CNTNAP2: variants seen among roughly 807,000 people sequenced by gnomAD.
The protein encoded by CNTNAP2 is contactin associated protein 2.
CNTNAP2 carries 98 observed loss-of-function variants against 155.2 expected under a neutral mutation model. The observed-to-expected ratio is 0.63, with a 90% CI of 0.54 to 0.75. The LOEUF is 0.75. CNTNAP2 is among the 30% of genes least tolerant of loss of function. The pLI is 0.00. For synonymous variants in CNTNAP2, 651 were observed against 631.2 expected (o/e 1.03, Z -0.47); for missense variants, 1,727 against 1,688.1 (o/e 1.02, Z -0.40).
chr7:146,774,536 C>T (rs1369209775), intron 2 of CNTNAP2, among the ~76,000 whole-genome samples, 155 bp downstream of exon 2: 2 of 152,146 alleles, frequency 1.3e-5, no homozygotes, highest in Non-Finnish European at 2.9e-5. Flanking sequence ...TGCCATTAAC[C>T]TCTCATGTAA....
At chr7:147,016,867 T>G (rs1798733603) in intron 3 of CNTNAP2, among the ~76,000 whole-genome samples, 1 of 151,994 alleles carries the variant, frequency 6.6e-6, no homozygotes. Flanking sequence ...TAGGTCACTG[T>G]GCACAGAAAG....
In CNTNAP2 at chr7:146,441,769, G is replaced by A. The variant is rs144126390; in HGVS notation, c.97+324796G>A. ...CTGTGTCTCTCTTTTCTTCGCTCCT[G>A]GGTCTCCAGCTGGAGACAAGGACAC... On this transcript the variant is annotated intron_variant, in intron 1 of 23. Coordinates refer to ENST00000361727, the MANE Select transcript of CNTNAP2 (RefSeq NM_014141.6). 1.9e-3 allele frequency among the ~76,000 whole-genome samples: 288 copies of A among 151,414 alleles called. 14 individuals are homozygous for A. Among genetic ancestry groups the A allele is most frequent in the African/African-American group, 6.2e-3 (255 of 40,834 alleles).
chr7:148,201,367 A>G lies in CNTNAP2; in HGVS notation c.3011-15921A>G, dbSNP rs543865940. 8.5e-5 allele frequency among the ~76,000 whole-genome samples: 13 copies of G among 152,336 alleles called. No homozygotes were observed. The South Asian group carries it at 2.7e-3, about 32-fold the overall frequency. On this transcript the variant is annotated intron_variant, in intron 18 of 23. Coordinates refer to ENST00000361727, the MANE Select transcript of CNTNAP2 (RefSeq NM_014141.6). ...GAGAGTTCGCTTTAGCTTGCTCTTT[A>G]TGTTTGAACCTAAGTCTTTTCACCT...
intron 13 of CNTNAP2, among the ~76,000 whole-genome samples, chr7:147,891,780 T>G (rs1169367591): frequency 6.6e-6 from 1 of 152,156 alleles, no homozygotes; most frequent in Admixed American, 6.6e-5. Flanking sequence ...TCAGATAGTT[T>G]ACCAAATAAT....
rs1800167157 is a variant in CNTNAP2 at position 146,276,498 on chromosome 7, T to C, written c.97+159525T>C. On this transcript the variant is annotated intron_variant, in intron 1 of 23. Coordinates refer to ENST00000361727, the MANE Select transcript of CNTNAP2 (RefSeq NM_014141.6). Reference sequence around the variant, plus strand: ...TAATGTTTCAGTTTAAAAATACATATTAAACGTATAACATATACAAAGCAC... The same window carrying C: ...TAATGTTTCAGTTTAAAAATACATACTAAACGTATAACATATACAAAGCAC... 2.0e-5 allele frequency among the ~76,000 whole-genome samples: 3 copies of C among 152,164 alleles called. 1 individual carries two copies. The South Asian group carries it at 6.2e-4, about 31-fold the overall frequency.
chr7:147,178,313 C>T (rs1207273380), intron 8 of CNTNAP2, among the ~76,000 whole-genome samples: 1 of 152,132 alleles, frequency 6.6e-6, no homozygotes, highest in East Asian at 1.9e-4. Flanking sequence ...TCTGTTACTG[C>T]TGGTTTGAAG....
chr7:146,817,758 T>TAA (rs1375126194), intron 2 of CNTNAP2, among the ~76,000 whole-genome samples: 27 of 152,070 alleles, frequency 1.8e-4, no homozygotes, highest in Non-Finnish European at 5.9e-5. Flanking sequence ...AGGATGGTGC[T>TAA]AAACCATTAA....
chr7:147,289,983 T>A (rs1805265535), intron 8 of CNTNAP2, among the ~76,000 whole-genome samples: 1 of 152,174 alleles, frequency 6.6e-6, no homozygotes, highest in South Asian at 2.1e-4. Context: ...GAGGTAAAAA[T>A]TACATACAGT....
intron 13 of CNTNAP2, among the ~76,000 whole-genome samples, chr7:147,819,184 C>T (rs1320174724): frequency 2.0e-5 from 3 of 152,128 alleles, no homozygotes; most frequent in Non-Finnish European, 2.9e-5. Context: ...GCATAAACCT[C>T]GTTAGTGGTA....
intron 8 of CNTNAP2, among the ~76,000 whole-genome samples, chr7:147,140,852 T>C (rs1801577958): frequency 6.6e-6 from 1 of 152,130 alleles, no homozygotes; most frequent in African/African-American, 2.4e-5. Context: ...TTGGTAGTTA[T>C]CAGGCAACTT....
chr7:147,814,494 T>A (rs1016812769), intron 13 of CNTNAP2, among the ~76,000 whole-genome samples: 12 of 152,202 alleles, frequency 7.9e-5, no homozygotes, highest in African/African-American at 2.9e-4. Flanking sequence ...ATAATAGTCA[T>A]TCCTGATTAC....
At chr7:147,930,797 A>C (rs1278463090) in intron 14 of CNTNAP2, among the ~76,000 whole-genome samples, 1 of 152,232 alleles carries the variant, frequency 6.6e-6, no homozygotes, top group Non-Finnish European at 1.5e-5. Flanking sequence ...ATGTTACGTC[A>C]CAAAACAAGT....
chr7:148,056,932 T>G (rs1803024397), intron 15 of CNTNAP2, among the ~76,000 whole-genome samples: 2 of 152,338 alleles, frequency 1.3e-5, no homozygotes, highest in African/African-American at 4.8e-5. Flanking sequence ...AATCCTCATG[T>G]AAGCTTTGGA....
intron 14 of CNTNAP2, among the ~76,000 whole-genome samples, chr7:147,928,021 A>G (rs1314552910): frequency 1.3e-5 from 2 of 152,224 alleles, no homozygotes; most frequent in Non-Finnish European, 2.9e-5. Context: ...ATTATGGGGC[A>G]GTTTTTCCCA....
intron 10 of CNTNAP2, among the ~76,000 whole-genome samples, chr7:147,414,570 A>G (rs1797156649): frequency 2.6e-5 from 4 of 152,094 alleles, no homozygotes; most frequent in African/African-American, 9.7e-5. Context: ...CTTTCATTGC[A>G]AGGAACTGTA....
In CNTNAP2 at chr7:146,572,588, G is replaced by A. The variant is rs555843250; in HGVS notation, c.98-201683G>A. ...CATCCCAATGTTCCCAGCGGGCAGG[G>A]GACAAGGAGGACATGAACATATTCT... On this transcript the variant is annotated intron_variant, in intron 1 of 23. Coordinates refer to ENST00000361727, the MANE Select transcript of CNTNAP2 (RefSeq NM_014141.6). Among the ~76,000 whole-genome samples the A allele has an allele frequency of 9.2e-5, 14 of 152,172 alleles. No individual in the cohort carries two copies. In the South Asian group the frequency reaches 2.9e-3, roughly 32 times the overall value.
chr7:146,727,250 T>C (rs1453538974), intron 1 of CNTNAP2, among the ~76,000 whole-genome samples: 1 of 152,148 alleles, frequency 6.6e-6, no homozygotes, highest in African/African-American at 2.4e-5. Flanking sequence ...TAGGATAAAA[T>C]GACAGATTAT....
intron 13 of CNTNAP2, among the ~76,000 whole-genome samples, chr7:147,706,753 A>G (rs1369843958): frequency 6.6e-6 from 1 of 152,168 alleles, no homozygotes; most frequent in Non-Finnish European, 1.5e-5. Flanking sequence ...CACCTTCTAC[A>G]GCACCCAGAA....
chr7:147,907,126 A>G (rs781179645), intron 14 of CNTNAP2, among the ~76,000 whole-genome samples: 88 of 151,854 alleles, frequency 5.8e-4, no homozygotes, highest in Non-Finnish European at 1.1e-3. Flanking sequence ...GCATGATCTC[A>G]GCTCACTGCA....
Sources: allele counts gnomAD v4.1 joint callset (sites outside exome capture counted in the v4.1 genomes callset), GRCh38; gene constraint gnomAD v4.1.1; transcripts MANE v1.5; gene names NCBI Gene and HGNC (gene_info 2026-07-23, HGNC 2026-07-21).